The following SLF1 variants were observed in gnomAD, a reference collection of about 807,000 sequenced individuals.
SLF1 encodes SMC5/6 complex localization factor 1.
SLF1 carries 105 observed loss-of-function variants against 123.0 expected under a neutral mutation model. The ratio of observed to expected loss-of-function variants is 0.85; its 90% CI spans 0.73 to 1.00. The LOEUF (loss-of-function observed/expected upper bound fraction) is 1.00. Among genes scored for constraint, SLF1 ranks in the 50% least tolerant of loss-of-function variants. The probability of loss-of-function intolerance (pLI) is 0.00; values close to 1 mark genes in which losing one functional copy is unlikely to be tolerated. For synonymous variants in SLF1, 434 were observed against 406.6 expected, an observed-to-expected ratio of 1.07 and a Z score of -0.81; for missense variants, 1,239 against 1,223.0, an observed-to-expected ratio of 1.01 and a Z score of -0.20.
chr5:94,619,788 A>G (rs1055553932), intron 1 of SLF1, among the ~76,000 whole-genome samples: 2 of 152,202 alleles, frequency 1.3e-5, no homozygotes, highest in African/African-American at 2.4e-5. Context: ...GATTACGTAT[A>G]TTGCAGGTGT....
chr5:94,670,103 T>G, intron 12 of SLF1, 48 bp from the exon 13 acceptor site: 1 of 1,486,324 alleles, frequency 6.7e-7, no homozygotes, highest in African/African-American at 1.4e-5. Flanking sequence ...CACAAATGAC[T>G]TAGTGAATTG....
At position 94,653,393 on chromosome 5, in the gene SLF1, TAAG is replaced by T. The variant is rs1284755266; in HGVS notation, c.1008_1010del (p.Arg337del). On this transcript the variant is annotated inframe_deletion, in exon 8 of 21. Transcript: ENST00000265140. Reference sequence around the variant, plus strand: ...GAACATGAAAAAATAAAAAGTACCTTAAGAAGGCACATATATAATAGAGATCAG... The same window carrying T: ...GAACATGAAAAAATAAAAAGTACCTTAAGGCACATATATAATAGAGATCAG... 5.9e-6 allele frequency: 9 copies of T among 1,523,364 alleles called. No homozygotes were observed. The highest frequency in any genetic ancestry group is 4.8e-5 in the Admixed American group (2 of 41,576). 94.4% of individuals were successfully genotyped at this position (1,523,364 alleles called of 1,614,324 possible). A position where few individuals can be genotyped will look rare whatever the true frequency, so the allele number is the denominator to read the frequency against.
intron 15 of SLF1, among the ~76,000 whole-genome samples, chr5:94,683,341 C>A (rs757960283): frequency 1.2e-4 from 18 of 152,110 alleles, no homozygotes; most frequent in Admixed American, 7.2e-4. Flanking sequence ...GGCATTCTAC[C>A]AGGCATTGAG....
At chr5:94,675,854 G>A (rs537905118) in intron 14 of SLF1, among the ~76,000 whole-genome samples, 1 of 147,686 alleles carries the variant, frequency 6.8e-6, no homozygotes. Context: ...GATTTTAACT[G>A]TATGTACCAC....
intron 20 of SLF1, among the ~76,000 whole-genome samples, chr5:94,693,969 T>C (rs182302846): frequency 3.9e-5 from 6 of 152,032 alleles, no homozygotes; most frequent in East Asian, 3.9e-4. Context: ...TTAGCAGTTA[T>C]AATCAGTTCT....
chr5:94,688,789 C>A, intron 17 of SLF1, 120 bp downstream of exon 17: 1 of 1,084,828 alleles, frequency 9.2e-7, no homozygotes, highest in Non-Finnish European at 1.3e-6. Flanking sequence ...TAGATCAAAA[C>A]TCAATTTTAG....
At position 94,684,547 on chromosome 5, in the gene SLF1, A is replaced by C. The variant is rs532304161; in HGVS notation, c.1976-2026A>C. Among the ~76,000 whole-genome samples the C allele has an allele frequency of 2.0e-5, 3 of 151,984 alleles. No individual in the cohort carries two copies. In the East Asian group the frequency reaches 5.8e-4, roughly 30 times the overall value. ...CCCTGTCTCTACTAAAAATACAAAA[A>C]ATTAGCTGGGCGTGGTGGCGAGCAC... On this transcript the variant is annotated intron_variant, in intron 15 of 20. Transcript: ENST00000265140.
At chr5:94,661,673 A>G (rs1749135457) in intron 9 of SLF1, among the ~76,000 whole-genome samples, 1 of 151,602 alleles carries the variant, frequency 6.6e-6, no homozygotes, top group African/African-American at 2.4e-5. Context: ...AGTAGCTAGG[A>G]TTATAGGCGC....
At chr5:94,643,810 A>T (rs1323854438) in intron 5 of SLF1, among the ~76,000 whole-genome samples, 1 of 152,004 alleles carries the variant, frequency 6.6e-6, no homozygotes, top group African/African-American at 2.4e-5. Context: ...CCTCCTCCTT[A>T]CTTGGTGTGG....
At chr5:94,619,805 C>G (rs1290612609) in intron 1 of SLF1, among the ~76,000 whole-genome samples, 1 of 152,094 alleles carries the variant, frequency 6.6e-6, no homozygotes, top group African/African-American at 2.4e-5. Flanking sequence ...GTGTTCAATA[C>G]CTAAGTTGCT....
intron 4 of SLF1, among the ~76,000 whole-genome samples, chr5:94,640,109 G>A (rs1746278416): frequency 6.6e-6 from 1 of 152,106 alleles, no homozygotes; most frequent in Non-Finnish European, 1.5e-5. Flanking sequence ...GTTTCTTTGT[G>A]TAGCTCCAGA....
intron 18 of SLF1, among the ~76,000 whole-genome samples, chr5:94,690,565 T>C (rs1250016595): frequency 2.0e-5 from 3 of 152,110 alleles, no homozygotes; most frequent in South Asian, 4.1e-4. Context: ...AATTGAGATA[T>C]AGTAGAGAAA....
chr5:94,663,925 G>T lies in SLF1; in HGVS notation c.1368+17G>T. The T allele has an allele frequency of 1.4e-6, 2 of 1,457,962 alleles. No homozygotes were observed. The highest frequency in any genetic ancestry group is 2.9e-5 in the South Asian group (2 of 68,494). The allele number at this position is 1,457,962 out of a possible 1,614,324, so 90.3% of individuals were successfully genotyped here. On this transcript the variant is annotated intron_variant, in intron 11 of 20. Transcript: ENST00000265140. ...GTTCTACAGGTAAGAGCAGCCTTAA[G>T]GATTTATAATCTTTTTTTCAAAGAA... is the stretch of plus-strand genomic sequence containing the variant.
At position 94,649,595 on chromosome 5, in the gene SLF1, C is replaced by T. The variant is rs1319384238; in HGVS notation, c.736C>T (p.Gln246Ter). The T allele has an allele frequency of 6.8e-7, 1 of 1,467,458 alleles. No individual in the cohort carries two copies. Among genetic ancestry groups the T allele is most frequent in the Middle Eastern group, 1.8e-4 (1 of 5,648 alleles). 90.9% of individuals were successfully genotyped at this position (1,467,458 alleles called of 1,614,324 possible). The part of the protein sequence containing the change: ...GALRETMYRT[Q>*]KEMQNHEDVN... ...CTTAAGAGAGACCATGTATAGAACC[C>T]AGGTAAACTTTATAGGCTGAAAAAC... The change falls in exon 6 of 21, where the codon CAG (glutamine) becomes TAG (stop). Residue 246 changes from glutamine to a stop codon, truncating the protein, a stop_gained and splice_region_variant. Transcript: ENST00000265140. LOFTEE classifies it high-confidence loss of function.
intron 1 of SLF1, among the ~76,000 whole-genome samples, chr5:94,625,980 C>T (rs895161510): frequency 3.3e-5 from 5 of 151,846 alleles, no homozygotes; most frequent in Admixed American, 1.3e-4. Flanking sequence ...TTAGGTCGGG[C>T]GCGGTGGCTC....
At chr5:94,648,470 G>T (rs1747314120) in intron 5 of SLF1, among the ~76,000 whole-genome samples, 1 of 152,142 alleles carries the variant, frequency 6.6e-6, no homozygotes, top group Admixed American at 6.5e-5. Flanking sequence ...GGTAGAGATT[G>T]TGAATCTCTG....
At chr5:94,654,045 C>G (rs1326812769) in intron 8 of SLF1, among the ~76,000 whole-genome samples, 1 of 152,094 alleles carries the variant, frequency 6.6e-6, no homozygotes, top group Non-Finnish European at 1.5e-5. Flanking sequence ...TAGTAGGTGC[C>G]TGTGGTTCCA....
At chr5:94,639,423 C>G (rs1746194836) in intron 4 of SLF1, among the ~76,000 whole-genome samples, 1 of 152,060 alleles carries the variant, frequency 6.6e-6, no homozygotes. Flanking sequence ...TTCCTTTAAT[C>G]TCTGTATTAG....
intron 4 of SLF1, among the ~76,000 whole-genome samples, chr5:94,632,780 A>G (rs1745345143): frequency 2.0e-5 from 3 of 151,996 alleles, no homozygotes; most frequent in Admixed American, 2.0e-4. Context: ...GGCTCACTGG[A>G]AGCTCCGCCT....
Sources: gnomAD v4.1 joint callset for allele counts (sites outside exome capture counted in the v4.1 genomes callset) on GRCh38, gnomAD v4.1.1 for gene constraint, MANE v1.5 for transcripts, NCBI Gene and HGNC (gene_info 2026-07-23, HGNC 2026-07-21) for gene names.